Variants in TMEM150C observed in about 807,000 individuals in gnomAD.
TMEM150C encodes transmembrane protein 150C, also known as tentonin 3.
In TMEM150C, 10 loss-of-function variants were observed where a neutral mutation model predicts 29.9. The observed-to-expected ratio is 0.33, with a 90% CI of 0.21 to 0.57. The LOEUF is 0.57. TMEM150C is among the 20% of genes least tolerant of loss of function. TMEM150C has a pLI of 0.88. For missense variants in TMEM150C, 251 were observed against 303.6 expected (o/e 0.83, Z 1.29); for synonymous variants, 101 against 112.5 (o/e 0.90, Z 0.64).
Position 82,537,839 on chromosome 4 carries a change from A to G in TMEM150C, c.-11+24067T>C, listed in dbSNP as rs370482309. On this transcript the variant is annotated intron_variant, in intron 1 of 7. Transcript: ENST00000449862. ...CCACCAGAAGCTGGAAGAGGTGAGGAAGGATTCTCCCCTAGAGCCTTCAAT... is the reference window on the plus strand; with the variant it reads ...CCACCAGAAGCTGGAAGAGGTGAGGGAGGATTCTCCCCTAGAGCCTTCAAT... Among the ~76,000 whole-genome samples, 5 of 152,290 alleles carry G rather than the reference A, an allele frequency of 3.3e-5. No individual in the cohort carries two copies. The East Asian group carries it at 5.8e-4, about 18-fold the overall frequency.
chr4:82,544,551 G>A (rs1035649799), intron 1 of TMEM150C, among the ~76,000 whole-genome samples: 9 of 152,190 alleles, frequency 5.9e-5, no homozygotes, highest in Non-Finnish European at 1.2e-4. Flanking sequence ...GGCCCAGGCA[G>A]GTGGATTCCT....
chr4:82,494,949 G>A (rs879061010), intron 6 of TMEM150C: 27 of 602,570 alleles, frequency 4.5e-5, no homozygotes, highest in African/African-American at 9.6e-5. Context: ...TCTCTTGGCC[G>A]AAAGTTTAGC....
At chr4:82,490,833 T>C in intron 6 of TMEM150C, 1 of 623,092 alleles carries the variant, frequency 1.6e-6, no homozygotes, top group Non-Finnish European at 3.0e-6. Context: ...TTAACCCAGC[T>C]TGGTGGCAAG....
At chr4:82,537,346 G>A (rs990363355) in intron 1 of TMEM150C, among the ~76,000 whole-genome samples, 2 of 152,130 alleles carry the variant, frequency 1.3e-5, no homozygotes, top group African/African-American at 4.8e-5. Context: ...CTGTATCCAA[G>A]AAGAAAATAT....
chr4:82,538,040 T>A (rs1191748441), intron 1 of TMEM150C, among the ~76,000 whole-genome samples: 1 of 152,174 alleles, frequency 6.6e-6, no homozygotes, highest in Non-Finnish European at 1.5e-5. Context: ...TATATAAAGA[T>A]GTTCATCTCT....
At position 82,506,905 on chromosome 4, in the gene TMEM150C, A is replaced by G. The variant is rs78097499; in HGVS notation, c.-10-2238T>C. Among the ~76,000 whole-genome samples the G allele has an allele frequency of 9.3e-3, 1,416 of 152,304 alleles. 12 individuals are homozygous for G. The highest frequency in any genetic ancestry group is 0.032 in the African/African-American group (1,349 of 41,570). On this transcript the variant is annotated intron_variant, in intron 1 of 7. Coordinates refer to ENST00000449862, the MANE Select transcript of TMEM150C (RefSeq NM_001080506.3). The stretch of plus-strand genomic sequence containing the variant: ...GTCTGCCAATGAAACAGGGTCCTCA[A>G]ATAGGATGAGTACAGCCAAGATGCT...
intron 1 of TMEM150C, among the ~76,000 whole-genome samples, chr4:82,525,285 TAG>T (rs2110080339): frequency 6.6e-6 from 1 of 152,344 alleles, no homozygotes; most frequent in African/African-American, 2.4e-5. Context: ...ATAGGATCTG[TAG>T]ATTTTGTTAT....
At chr4:82,505,345 C>G (rs954083358) in intron 1 of TMEM150C, among the ~76,000 whole-genome samples, 2 of 152,034 alleles carry the variant, frequency 1.3e-5, no homozygotes, top group African/African-American at 4.8e-5. Flanking sequence ...CAGTGCCCGG[C>G]CAGAAAATTT....
Position 82,504,554 on chromosome 4 carries a change from A to C in TMEM150C, c.80+24T>G, listed in dbSNP as rs745793216. The C allele has an allele frequency of 7.5e-6, 12 of 1,595,032 alleles. No individual in the cohort carries two copies. In the East Asian group the frequency reaches 2.5e-4, roughly 33 times the overall value. On this transcript the variant is annotated intron_variant, in intron 2 of 7. Transcript: ENST00000449862. ...ATCTACATTGCACCTGAATCCTTAAATAATTAAATGAGCAAATACTCACAC... is the reference window on the plus strand; with the variant it reads ...ATCTACATTGCACCTGAATCCTTAACTAATTAAATGAGCAAATACTCACAC...
chr4:82,502,601 A>G (rs1723770275), intron 5 of TMEM150C, 126 bp downstream of exon 5: 3 of 915,200 alleles, frequency 3.3e-6, no homozygotes, highest in Non-Finnish European at 4.9e-6. Flanking sequence ...TGGCTTCAGC[A>G]TATTGACATC....
chr4:82,511,472 A>ATTTTTTTTTTTTTTTTT (rs397935719), intron 1 of TMEM150C, among the ~76,000 whole-genome samples: 1 of 106,390 alleles, frequency 9.4e-6, no homozygotes, highest in Non-Finnish European at 1.8e-5. Flanking sequence ...TCCCAACACT[A>ATTTTTTTTTTTTTTTTT]TTTTTTTTTT....
At chr4:82,561,803 C>A in intron 1 of TMEM150C, 103 bp downstream of exon 1, 7 of 850,672 alleles carry the variant, frequency 8.2e-6, no homozygotes, top group Non-Finnish European at 9.9e-6. Flanking sequence ...GCGCTGCAGC[C>A]CCCGCCGTCC....
intron 1 of TMEM150C, among the ~76,000 whole-genome samples, chr4:82,534,583 G>GT (rs1560494974): frequency 1.3e-5 from 2 of 152,190 alleles, no homozygotes; most frequent in Non-Finnish European, 2.9e-5. Context: ...TTACAGCAGC[G>GT]TATCTCTAAA....
chr4:82,544,055 A>T (rs936290170), intron 1 of TMEM150C, among the ~76,000 whole-genome samples: 1 of 152,188 alleles, frequency 6.6e-6, no homozygotes, highest in East Asian at 1.9e-4. Flanking sequence ...ATTACGAACG[A>T]TCGGATATTA....
intron 1 of TMEM150C, among the ~76,000 whole-genome samples, chr4:82,518,203 C>T (rs1160799150): frequency 6.6e-6 from 1 of 152,056 alleles, no homozygotes; most frequent in Non-Finnish European, 1.5e-5. Context: ...GTAATCCCAG[C>T]TACTGGGGAG....
At chr4:82,558,010 C>T (rs1353695493) in intron 1 of TMEM150C, among the ~76,000 whole-genome samples, 2 of 152,060 alleles carry the variant, frequency 1.3e-5, no homozygotes, top group South Asian at 2.1e-4. Flanking sequence ...GGATTACAAG[C>T]GTGAGACACT....
rs190307597 is a variant in TMEM150C at position 82,526,254 on chromosome 4, G to A, written c.-10-21587C>T. ...GTACAGAAAAACATTTTGGGGTTGT[G>A]GATGAGGAGATAAGGACAACTATAT... On this transcript the variant is annotated intron_variant, in intron 1 of 7. Coordinates refer to ENST00000449862, the MANE Select transcript of TMEM150C (RefSeq NM_001080506.3). 2.6e-5 allele frequency among the ~76,000 whole-genome samples: 4 copies of A among 152,290 alleles called. No homozygotes were observed. The East Asian group carries it at 7.7e-4, about 29-fold the overall frequency.
At chr4:82,557,990 C>T (rs1441251920) in intron 1 of TMEM150C, among the ~76,000 whole-genome samples, 5 of 152,084 alleles carry the variant, frequency 3.3e-5, no homozygotes, top group Non-Finnish European at 7.4e-5. Flanking sequence ...CTCAGCCTCC[C>T]GAAGTGCTGG....
intron 1 of TMEM150C, among the ~76,000 whole-genome samples, chr4:82,517,080 T>C (rs1001383101): frequency 6.6e-6 from 1 of 152,212 alleles, no homozygotes; most frequent in Non-Finnish European, 1.5e-5. Context: ...CCAAAGCCTG[T>C]TGGTGCTCCA....
Sources: allele counts gnomAD v4.1 joint callset (sites outside exome capture counted in the v4.1 genomes callset), GRCh38; gene constraint gnomAD v4.1.1; transcripts MANE v1.5; gene names NCBI Gene and HGNC (gene_info 2026-07-23, HGNC 2026-07-21).